Variants in RBM26 observed in about 807,000 individuals in gnomAD.
The protein encoded by RBM26 is RNA binding motif protein 26, also known as RNA-binding protein 26.
Under a neutral mutation model 123.6 loss-of-function variants are expected in RBM26, and 30 were observed. That is an observed-to-expected ratio of 0.24 (90% CI 0.18 to 0.33). The LOEUF is 0.33. Ranked by LOEUF, RBM26 falls within the 10% of genes least tolerant of loss-of-function variation. The pLI is 1.00. For synonymous variants in RBM26, 400 were observed against 404.4 expected, an observed-to-expected ratio of 0.99 and a Z score of 0.13; for missense variants, 947 against 1,203.6, an observed-to-expected ratio of 0.79 and a Z score of 3.15.
At chr13:79,355,188 T>C (rs2073827327) in intron 12 of RBM26, 32 bp downstream of exon 12, 2 of 1,600,572 alleles carry the variant, frequency 1.2e-6, no homozygotes, top group African/African-American at 1.3e-5. Flanking sequence ...TTCTAAGAAA[T>C]GCGCGTACTT....
intron 14 of RBM26, among the ~76,000 whole-genome samples, chr13:79,349,140 T>C (rs908719996): frequency 6.6e-6 from 1 of 152,214 alleles, no homozygotes; most frequent in African/African-American, 2.4e-5. Context: ...TTGAAATATA[T>C]ACACTGTAAA....
In RBM26 at chr13:79,386,459, A is replaced by G. The variant is rs905163633; in HGVS notation, c.72-7552T>C. Among the ~76,000 whole-genome samples the G allele has an allele frequency of 5.9e-5, 9 of 151,900 alleles. No individual in the cohort carries two copies. The South Asian group carries it at 8.3e-4, about 14-fold the overall frequency. On this transcript the variant is annotated intron_variant, in intron 1 of 21. Transcript: ENST00000438737. ...GTGCCCATTAAGTGTCAAAGACCCA[A>G]TAGTCAGATAACAAAACCAAAGTAA...
At chr13:79,343,008 C>G (rs1371736062) in intron 16 of RBM26, among the ~76,000 whole-genome samples, 177 bp from the exon 17 acceptor site, 1 of 206 alleles carries the variant, frequency 4.9e-3, no homozygotes, top group African/African-American at 0.021. Flanking sequence ...TTTGGTGATG[C>G]TAACTATCTC....
chr13:79,372,152 G>C (rs891005636), intron 3 of RBM26, among the ~76,000 whole-genome samples: 1 of 152,080 alleles, frequency 6.6e-6, no homozygotes, highest in Non-Finnish European at 1.5e-5. Flanking sequence ...AGTGGCAGGG[G>C]CCTGTAATCC....
intron 3 of RBM26, among the ~76,000 whole-genome samples, chr13:79,375,884 T>C (rs1355567341): frequency 6.6e-6 from 1 of 151,916 alleles, no homozygotes; most frequent in African/African-American, 2.4e-5. Flanking sequence ...CAACATCTCT[T>C]ACAATCTCAA....
chr13:79,325,166 T>C (rs1273244993), intron 20 of RBM26, among the ~76,000 whole-genome samples: 1 of 152,160 alleles, frequency 6.6e-6, no homozygotes, highest in East Asian at 1.9e-4. Context: ...AGCATAATAC[T>C]TGAATATGGT....
At chr13:79,333,103 T>G (rs1749988) in intron 20 of RBM26, among the ~76,000 whole-genome samples, 1 of 152,036 alleles carries the variant, frequency 6.6e-6, no homozygotes, top group Non-Finnish European at 1.5e-5. Flanking sequence ...TACTCTAAAC[T>G]TGCACTTAAC....
At position 79,377,460 on chromosome 13, in the gene RBM26, T is replaced by G. The variant is rs753362016; in HGVS notation, c.246A>C (p.Leu82=). 1.9e-6 allele frequency: 3 copies of G among 1,612,552 alleles called. No individual in the cohort carries two copies. Among genetic ancestry groups the G allele is most frequent in the Non-Finnish European group, 2.5e-6 (3 of 1,178,662 alleles). Residue 82 remains leucine (L), a synonymous_variant, in exon 3 of 22, where the codon CTA becomes CTC. Coordinates refer to ENST00000438737, the MANE Select transcript of RBM26 (RefSeq NM_001366735.2). Reference sequence around the variant, plus strand: ...CTGATGATGGCTGCTCTGGAGGAGGTAGGTAACTCTTTGTATTCACAGCAT... The same window carrying G: ...CTGATGATGGCTGCTCTGGAGGAGGGAGGTAACTCTTTGTATTCACAGCAT... ...LFDAVNTKSY[L]PPPEQPSSGS...
At chr13:79,351,268 T>C (rs1006944132) in intron 14 of RBM26, among the ~76,000 whole-genome samples, 6 of 152,202 alleles carry the variant, frequency 3.9e-5, no homozygotes, top group Non-Finnish European at 7.3e-5. Flanking sequence ...TAAGTACAGC[T>C]GAACTTAGTG....
At chr13:79,335,732 C>A (rs530317089) in intron 19 of RBM26, among the ~76,000 whole-genome samples, 1 of 152,204 alleles carries the variant, frequency 6.6e-6, no homozygotes, top group African/African-American at 2.4e-5. Context: ...GCCAAAAGCA[C>A]CTTAGTCTCA....
intron 9 of RBM26, among the ~76,000 whole-genome samples, chr13:79,362,773 G>A (rs1168029087): frequency 6.6e-6 from 1 of 152,148 alleles, no homozygotes; most frequent in African/African-American, 2.4e-5. Flanking sequence ...AATGTGTTTT[G>A]CCTCCAGTAA....
At chr13:79,386,117 T>G (rs1268003728) in intron 1 of RBM26, among the ~76,000 whole-genome samples, 2 of 151,992 alleles carry the variant, frequency 1.3e-5, no homozygotes, top group African/African-American at 4.8e-5. Context: ...ACACAAAAAC[T>G]ATTTTTCCAA....
At chr13:79,381,860 A>G (rs2077096028) in intron 1 of RBM26, among the ~76,000 whole-genome samples, 1 of 137,486 alleles carries the variant, frequency 7.3e-6, no homozygotes, top group South Asian at 2.5e-4. Flanking sequence ...AAATCCTTGA[A>G]ATAATTTGAA....
rs1414316602 is a variant in RBM26, at chr13:79,371,844, A to G, written c.414T>C (p.Asn138=). The G allele has an allele frequency of 6.3e-7, 1 of 1,598,294 alleles. No homozygotes were observed. Among genetic ancestry groups the G allele is most frequent in the African/African-American group, 1.3e-5 (1 of 74,122 alleles). Residue 138 remains asparagine, a splice_region_variant and synonymous_variant, in exon 4 of 22, where the codon AAT becomes AAC. Transcript: ENST00000438737. ...PPQSSSRYRE[N]RSRDERKKDD... ...GTATGGTTCAATGAACTGCTCACCT[A>G]TTTTCCCTGTATCGGGAGCTTGACT...
At chr13:79,328,001 G>T (rs2068703364) in intron 20 of RBM26, among the ~76,000 whole-genome samples, 2 of 152,126 alleles carry the variant, frequency 1.3e-5, no homozygotes, top group East Asian at 3.9e-4. Context: ...AAATTAAAAT[G>T]CTCTTACAAT....
exon 5 of RBM26, chr13:79,313,532 T>A (rs542640832): frequency 2.6e-5 from 4 of 151,752 alleles, no homozygotes; most frequent in African/African-American, 9.7e-5. Context: ...ACCAGTGTAG[T>A]AGGGGCAGAA....
At chr13:79,346,232 A>G (rs1017677191) in intron 14 of RBM26, among the ~76,000 whole-genome samples, 67 of 152,314 alleles carry the variant, frequency 4.4e-4, no homozygotes, top group African/African-American at 1.4e-3. Context: ...AGGGAACATC[A>G]CAAATCGCTA....
chr13:79,318,176 A>T (rs2067319498), downstream of RBM26, among the ~76,000 whole-genome samples: 1 of 151,488 alleles, frequency 6.6e-6, no homozygotes, highest in Non-Finnish European at 1.5e-5. Context: ...TGAGGCAAGA[A>T]CTACCATATT....
intron 1 of RBM26, among the ~76,000 whole-genome samples, chr13:79,393,703 C>A (rs914635945): frequency 6.6e-6 from 1 of 152,168 alleles, no homozygotes; most frequent in Non-Finnish European, 1.5e-5. Flanking sequence ...CTCCTCCCCC[C>A]GTATGACCAC....
Sources: gnomAD v4.1 joint callset for allele counts (sites outside exome capture counted in the v4.1 genomes callset) on GRCh38, gnomAD v4.1.1 for gene constraint, MANE v1.5 for transcripts, NCBI Gene and HGNC (gene_info 2026-07-23, HGNC 2026-07-21) for gene names.